The following TMC2 variants were observed in gnomAD, a reference collection of about 807,000 sequenced individuals.
TMC2 encodes the protein transmembrane channel-like protein 2.
Under a neutral mutation model 105.9 loss-of-function variants are expected in TMC2, and 102 were observed. The observed-to-expected ratio is 0.96, with a 90% CI of 0.82 to 1.14. The LOEUF (loss-of-function observed/expected upper bound fraction) is 1.14. Among genes scored for constraint, TMC2 ranks in the 50% most tolerant of loss-of-function variants. The probability of loss-of-function intolerance (pLI) is 0.00; values close to 1 mark genes in which losing one functional copy is unlikely to be tolerated. For missense variants in TMC2, 1,093 were observed against 1,134.3 expected (o/e 0.96, Z 0.52); for synonymous variants, 402 against 422.8 (o/e 0.95, Z 0.60).
chr20:2,589,772 C>T (rs2086256381), intron 7 of TMC2, among the ~76,000 whole-genome samples: 1 of 152,144 alleles, frequency 6.6e-6, no homozygotes, highest in African/African-American at 2.4e-5. Flanking sequence ...CAGGTTCACG[C>T]CATTCTCCTG....
At chr20:2,563,556 G>C (rs2086042582) in intron 4 of TMC2, among the ~76,000 whole-genome samples, 1 of 152,162 alleles carries the variant, frequency 6.6e-6, no homozygotes, top group Non-Finnish European at 1.5e-5. Flanking sequence ...GTATAGCATA[G>C]TGACTATAAT....
At chr20:2,565,335 C>G (rs2086056177) in intron 4 of TMC2, among the ~76,000 whole-genome samples, 1 of 152,372 alleles carries the variant, frequency 6.6e-6, no homozygotes, top group African/African-American at 2.4e-5. Context: ...TGAGGCCACA[C>G]AGCAAGTTAA....
At chr20:2,603,248 A>G (rs2086364667) in intron 11 of TMC2, among the ~76,000 whole-genome samples, 1 of 152,082 alleles carries the variant, frequency 6.6e-6, no homozygotes, top group South Asian at 2.1e-4. Context: ...ATGCTGCCCC[A>G]CAGAATCATG....
intron 5 of TMC2, among the ~76,000 whole-genome samples, chr20:2,575,540 T>C (rs572353877): frequency 1.3e-5 from 2 of 152,376 alleles, no homozygotes; most frequent in Admixed American, 6.5e-5. Flanking sequence ...GTAAGAACAC[T>C]TGAGATTTAG....
chr20:2,615,002 T>C (rs1482457120), intron 14 of TMC2, among the ~76,000 whole-genome samples: 2 of 152,092 alleles, frequency 1.3e-5, no homozygotes, highest in Non-Finnish European at 2.9e-5. Context: ...AGATATGTGT[T>C]TTTTTTAACA....
intron 5 of TMC2, among the ~76,000 whole-genome samples, chr20:2,575,994 T>C (rs1254222421): frequency 6.6e-6 from 1 of 152,242 alleles, no homozygotes. Context: ...TGACCTGCTT[T>C]CTAGAATTTA....
intron 7 of TMC2, among the ~76,000 whole-genome samples, 156 bp downstream of exon 7, chr20:2,580,212 A>G (rs1397997416): frequency 1.3e-5 from 2 of 151,448 alleles, no homozygotes; most frequent in African/African-American, 4.9e-5. Context: ...ATTAAAAGTA[A>G]TTTTAATTTT....
intron 10 of TMC2, 70 bp from the exon 11 acceptor site, chr20:2,602,043 G>T: frequency 9.1e-7 from 1 of 1,097,968 alleles, no homozygotes; most frequent in Non-Finnish European, 1.3e-6. Flanking sequence ...ACTATTTTCA[G>T]GGACCCAACA....
intron 11 of TMC2, 103 bp from the exon 12 acceptor site, chr20:2,610,315 AG>A (rs1398143389): frequency 2.8e-6 from 3 of 1,089,012 alleles, no homozygotes; most frequent in Non-Finnish European, 4.0e-6. Context: ...GGCGCAGCAG[AG>A]GGGGCAGCAG....
rs370468701 is a variant in TMC2 at position 2,641,375 on chromosome 20, G to A, written c.*24G>A. On this transcript the variant is annotated 3_prime_UTR_variant, in exon 20 of 20. Transcript: ENST00000358864. Reference sequence around the variant, plus strand: ...GATGGCTAGGACTCCAGGGAGCCTCGACCCTAGGGCTGATCCTCAAGTACC... The same window carrying A: ...GATGGCTAGGACTCCAGGGAGCCTCAACCCTAGGGCTGATCCTCAAGTACC... The A allele has an allele frequency of 2.3e-5, 35 of 1,533,074 alleles. No homozygotes were observed. The highest frequency in any genetic ancestry group is 3.4e-5 in the Admixed American group (2 of 58,496). The allele number at this position is 1,533,074 out of a possible 1,614,324, so 95.0% of individuals were successfully genotyped here.
At position 2,558,554 on chromosome 20, in the gene TMC2, G is replaced by A; in HGVS notation, c.181G>A (p.Gly61Arg). Residue 61 changes from glycine (G) to arginine (R), a missense_variant, in exon 3 of 20, where the codon GGG becomes AGG. Gly to Arg is a moderately radical substitution (Grantham distance 125, BLOSUM62 -2). Transcript: ENST00000358864. This position sits in a 1 kb window ranked among gnomAD's most constrained non-coding sequence, Gnocchi z 4.6. ...GAQRSQKERA[G>R]GSPSPGSPRR... ...TCAGCGAAGCCAGAAGGAGCGCGCC[G>A]GGGGCAGCCCAAGCCCGGGGTCTCC... is the stretch of plus-strand genomic sequence containing the variant. The A allele has an allele frequency of 6.4e-7, 1 of 1,553,110 alleles. No homozygotes were observed. The highest frequency in any genetic ancestry group is 1.2e-5 in the South Asian group (1 of 84,174).
chr20:2,636,814 T>C (rs961043454), intron 18 of TMC2, among the ~76,000 whole-genome samples: 4 of 152,046 alleles, frequency 2.6e-5, no homozygotes, highest in Non-Finnish European at 5.9e-5. Context: ...TTTTAGTACA[T>C]GTGAGCCAGG....
At chr20:2,606,361 A>G (rs2086391796) in intron 11 of TMC2, among the ~76,000 whole-genome samples, 1 of 152,042 alleles carries the variant, frequency 6.6e-6, no homozygotes, top group Non-Finnish European at 1.5e-5. Flanking sequence ...CTGGGTTCAA[A>G]CAATTCTCCT....
At chr20:2,566,723 G>C (rs1364102823) in intron 4 of TMC2, among the ~76,000 whole-genome samples, 3 of 152,166 alleles carry the variant, frequency 2.0e-5, no homozygotes, top group Non-Finnish European at 4.4e-5. Flanking sequence ...AGGCAAACTG[G>C]CTAAGAACCT....
chr20:2,557,348 G>T (rs1189715178), intron 2 of TMC2, among the ~76,000 whole-genome samples: 1 of 152,018 alleles, frequency 6.6e-6, no homozygotes, highest in East Asian at 1.9e-4. Flanking sequence ...CCTTGACTGT[G>T]ACCAGTCTAC....
At chr20:2,571,908 T>C (rs1343581923) in intron 4 of TMC2, among the ~76,000 whole-genome samples, 1 of 152,128 alleles carries the variant, frequency 6.6e-6, no homozygotes, top group Non-Finnish European at 1.5e-5. Flanking sequence ...CCATGTAACA[T>C]ATTATATTCA....
chr20:2,639,259 G>C (rs1181742802), intron 19 of TMC2, among the ~76,000 whole-genome samples: 1 of 152,194 alleles, frequency 6.6e-6, no homozygotes, highest in African/African-American at 2.4e-5. Context: ...CTGCAGTAGT[G>C]ACAGTGGTGT....
intron 8 of TMC2, among the ~76,000 whole-genome samples, chr20:2,594,384 C>T (rs144721586): frequency 1.0e-3 from 152 of 152,132 alleles, no homozygotes; most frequent in Non-Finnish European, 2.0e-3. Context: ...CCTGCTATTA[C>T]ACCTGGCAAA....
Position 2,551,985 on chromosome 20 carries a change from G to A in TMC2, c.83-6471G>A, listed in dbSNP as rs929597658. ...ATAAACTTTAGAATCAGGGCTGGGTGCAGTAGCTCACGCCTATAATCCCAG... is the reference window on the plus strand; with the variant it reads ...ATAAACTTTAGAATCAGGGCTGGGTACAGTAGCTCACGCCTATAATCCCAG... On this transcript the variant is annotated intron_variant, in intron 2 of 19. Transcript: ENST00000358864. Among the ~76,000 whole-genome samples the A allele has an allele frequency of 4.6e-5, 7 of 152,114 alleles. No individual in the cohort carries two copies. In the East Asian group the frequency reaches 1.2e-3, roughly 25 times the overall value.
Sources: allele counts gnomAD v4.1 joint callset (sites outside exome capture counted in the v4.1 genomes callset), GRCh38; gene constraint gnomAD v4.1.1; non-coding constraint Gnocchi (gnomAD v3.1); transcripts MANE v1.5; gene names NCBI Gene and HGNC (gene_info 2026-07-23, HGNC 2026-07-21).